Variants in ESR1 observed in about 807,000 individuals in gnomAD.
ESR1 encodes the protein estrogen receptor.
ESR1 carries 12 observed loss-of-function variants against 52.7 expected under a neutral mutation model. The observed-to-expected ratio is 0.23, with a 90% CI of 0.15 to 0.37. The LOEUF (loss-of-function observed/expected upper bound fraction) is 0.37. Ranked by LOEUF, ESR1 falls within the 10% of genes least tolerant of loss-of-function variation. The probability of loss-of-function intolerance (pLI) is 1.00; values close to 1 mark genes in which losing one functional copy is unlikely to be tolerated. For synonymous variants in ESR1, 305 were observed against 316.8 expected, an observed-to-expected ratio of 0.96 and a Z score of 0.39; for missense variants, 584 against 779.7, an observed-to-expected ratio of 0.75 and a Z score of 2.99.
At chr6:151,797,842 C>T (rs1003828600) in intron 2 of ESR1, among the ~76,000 whole-genome samples, 2 of 152,134 alleles carry the variant, frequency 1.3e-5, no homozygotes, top group Admixed American at 1.3e-4. Context: ...CTCCCAGGTC[C>T]TATGTTTTCT....
Position 152,102,079 on chromosome 6 carries a change from T to C in ESR1, c.*3113T>C, listed in dbSNP as rs1337828320. 1 of 213,572 alleles carries C rather than the reference T, an allele frequency of 4.7e-6. No individual in the cohort carries two copies. The highest frequency in any genetic ancestry group is 2.3e-5 in the African/African-American group (1 of 44,258). 13.2% of individuals were successfully genotyped at this position (213,572 alleles called of 1,614,324 possible). A position where few individuals can be genotyped will look rare whatever the true frequency, so the allele number is the denominator to read the frequency against. On this transcript the variant is annotated 3_prime_UTR_variant, in exon 8 of 8. Transcript: ENST00000206249. Reference sequence around the variant, plus strand: ...AAAGAGAAGACCCTATCAATGTAGGTTGCAAAATCTAACCCCTAAGGAAGT... The same window carrying C: ...AAAGAGAAGACCCTATCAATGTAGGCTGCAAAATCTAACCCCTAAGGAAGT...
intron 3 of ESR1, among the ~76,000 whole-genome samples, chr6:151,931,359 T>C (rs900246015): frequency 1.3e-5 from 2 of 152,176 alleles, no homozygotes; most frequent in Non-Finnish European, 2.9e-5. Context: ...TTTCTAGCAT[T>C]TGCTTTTGAT....
chr6:151,862,363 C>T (rs910178568), intron 2 of ESR1, among the ~76,000 whole-genome samples: 13 of 152,166 alleles, frequency 8.5e-5, no homozygotes, highest in Non-Finnish European at 1.8e-4. Flanking sequence ...CCTCATCCCA[C>T]TAGGTTAACA....
intron 3 of ESR1, among the ~76,000 whole-genome samples, chr6:151,938,867 A>G (rs1467182807): frequency 6.6e-6 from 1 of 152,192 alleles, no homozygotes; most frequent in African/African-American, 2.4e-5. Flanking sequence ...TTGCACACTT[A>G]CAGTGGGCTT....
At chr6:152,076,636 G>A (rs2048756298) in intron 6 of ESR1, among the ~76,000 whole-genome samples, 1 of 152,186 alleles carries the variant, frequency 6.6e-6, no homozygotes, top group Non-Finnish European at 1.5e-5. Context: ...AATACTGATA[G>A]TGATATGAAC....
At chr6:151,910,479 C>A (rs2128433760) in intron 3 of ESR1, among the ~76,000 whole-genome samples, 1 of 152,148 alleles carries the variant, frequency 6.6e-6, no homozygotes, top group East Asian at 1.9e-4. Context: ...AATGCAAACT[C>A]ATTTGGTTGT....
rs1584385764 is a variant in ESR1, at chr6:151,944,362, G to A, written c.950G>A (p.Ser317Asn). 1.9e-6 allele frequency: 3 copies of A among 1,614,042 alleles called. No homozygotes were observed. The highest frequency in any genetic ancestry group is 2.5e-6 in the Non-Finnish European group (3 of 1,179,938). ...TCCCTGACGGCCGACCAGATGGTCA[G>A]TGCCTTGTTGGATGCTGAGCCCCCG... ...ALSLTADQMV[S>N]ALLDAEPPIL... is the part of the protein sequence containing the mutation. The change falls in exon 4 of 8, where the codon AGT becomes AAT. Residue 317 changes from serine to asparagine, a missense_variant. Coordinates refer to ENST00000206249, the MANE Select transcript of ESR1 (RefSeq NM_000125.4).
chr6:151,871,429 GTTTC>G (rs1021333906), intron 2 of ESR1, among the ~76,000 whole-genome samples: 31 of 151,948 alleles, frequency 2.0e-4, no homozygotes, highest in African/African-American at 7.5e-4. Flanking sequence ...TTGAGATGGA[GTTTC>G]ACTCTAGTCG....
intron 1 of ESR1, chr6:151,690,783 T>G (rs1376671760): frequency 2.0e-5 from 3 of 152,226 alleles, no homozygotes; most frequent in Non-Finnish European, 4.4e-5. Context: ...TTCATTTTTT[T>G]GTCTTTCTGC....
intron 2 of ESR1, among the ~76,000 whole-genome samples, chr6:151,775,442 G>A (rs1785877662): frequency 6.6e-6 from 1 of 152,038 alleles, no homozygotes; most frequent in African/African-American, 2.4e-5. Context: ...TACTCAACCT[G>A]TACTAGCGTG....
intron 3 of ESR1, among the ~76,000 whole-genome samples, chr6:151,917,766 C>T (rs78426864): frequency 0.02 from 2,968 of 152,146 alleles, 100 homozygotes; most frequent in African/African-American, 0.068. Context: ...TTGGTTGCTT[C>T]GGCTAAACAG....
chr6:151,947,229 G>A (rs573107325), intron 4 of ESR1, among the ~76,000 whole-genome samples: 65 of 152,168 alleles, frequency 4.3e-4, no homozygotes, highest in Admixed American at 7.2e-4. Context: ...TGAGGTGGGA[G>A]AATTGCTTGA....
At chr6:151,758,587 C>T (rs1250237990) in intron 2 of ESR1, among the ~76,000 whole-genome samples, 8 of 151,544 alleles carry the variant, frequency 5.3e-5, no homozygotes, top group East Asian at 2.0e-4. Context: ...ATGGTGAAAC[C>T]GCATCTCTAC....
At chr6:151,828,010 A>G (rs2128207613) in intron 1 of ESR1, among the ~76,000 whole-genome samples, 1 of 152,350 alleles carries the variant, frequency 6.6e-6, no homozygotes, top group Non-Finnish European at 1.5e-5. Context: ...TTTACATATT[A>G]TGTAACTTGG....
chr6:151,880,585 G>T (rs1244003674), intron 2 of ESR1, 70 bp from the exon 3 acceptor site: 1 of 938,986 alleles, frequency 1.1e-6, no homozygotes, highest in Middle Eastern at 2.1e-4. Context: ...CCTCCAAAAG[G>T]TTTCCCTGTA....
rs1554268083 is a variant in ESR1, at chr6:151,849,994, A to ATAATTT, written c.643+7209_643+7210insATTTTA. On this transcript the variant is annotated intron_variant, in intron 2 of 7. Coordinates refer to ENST00000206249, the MANE Select transcript of ESR1 (RefSeq NM_000125.4). Reference sequence around the variant, plus strand: ...CCTAGGGAATTATATATATATATATATATATATATATAATTTTGTATATAT... The same window carrying ATAATTT: ...CCTAGGGAATTATATATATATATATATAATTTTATATATATATAATTTTGTATATAT... Among the ~76,000 whole-genome samples, 4 of 105,092 alleles carry ATAATTT rather than the reference A, an allele frequency of 3.8e-5. No homozygotes were observed. In the East Asian group the frequency reaches 7.8e-4, roughly 21 times the overall value. The allele number at this position is 105,092 out of a possible 152,430, so 68.9% of individuals were successfully genotyped here. A position where few individuals can be genotyped will look rare whatever the true frequency, so the allele number is the denominator to read the frequency against.
intron 2 of ESR1, among the ~76,000 whole-genome samples, chr6:151,845,159 A>C (rs1403010193): frequency 1.3e-5 from 2 of 152,228 alleles, no homozygotes; most frequent in African/African-American, 4.8e-5. Context: ...GAACAGAAAA[A>C]ACAGAAGGAA....
intron 2 of ESR1, 65 bp downstream of exon 2, chr6:151,842,852 A>G (rs1456913967): frequency 1.4e-6 from 2 of 1,404,304 alleles, no homozygotes; most frequent in East Asian, 2.3e-5. Flanking sequence ...AGCCAAAGCG[A>G]CTGAGGAAGG....
chr6:151,753,151 G>A (rs566878270), intron 2 of ESR1, among the ~76,000 whole-genome samples: 5 of 152,226 alleles, frequency 3.3e-5, no homozygotes, highest in South Asian at 2.1e-4. Context: ...AACTGTTGAC[G>A]TGCTTTAAAG....
Sources: allele counts gnomAD v4.1 joint callset (sites outside exome capture counted in the v4.1 genomes callset), GRCh38; gene constraint gnomAD v4.1.1; transcripts MANE v1.5; gene names NCBI Gene and HGNC (gene_info 2026-07-23, HGNC 2026-07-21).